Variants in PBRM1 observed in about 807,000 individuals in gnomAD.
The protein encoded by PBRM1 is polybromo 1.
In PBRM1, 27 loss-of-function variants were observed where a neutral mutation model predicts 194.5. The observed-to-expected ratio is 0.14, with a 90% CI of 0.10 to 0.19. The LOEUF is 0.19. PBRM1 is among the 10% of genes least tolerant of loss of function. PBRM1 has a pLI of 1.00. For missense variants in PBRM1, 1,466 were observed against 2,077.2 expected, an observed-to-expected ratio of 0.71 and a Z score of 5.72; for synonymous variants, 655 against 693.2, an observed-to-expected ratio of 0.94 and a Z score of 0.87.
Position 52,587,511 on chromosome 3 carries a change from C to T in PBRM1, c.2966-1G>A. 1 of 1,590,154 alleles carries T rather than the reference C, an allele frequency of 6.3e-7. No individual in the cohort carries two copies. The highest frequency in any genetic ancestry group is 8.6e-7 in the Non-Finnish European group (1 of 1,168,452). ...CAACAGCCATACAACCATTTTTCAC[C>T]TCAAAAATGGGGGGTGGGGGAAGGG... On this transcript the variant is annotated splice_acceptor_variant, in intron 18 of 29. Transcript: ENST00000296302. LOFTEE classifies it high-confidence loss of function.
At position 52,609,814 on chromosome 3, in the gene PBRM1, G is replaced by C. The variant is rs2094519998; in HGVS notation, c.2066C>G (p.Ser689Cys). ...ATAGTAGTCAGGCAACTCAGATCTA[G>C]AGGGAAGCCTCAGAAATATGGCACT... is the stretch of plus-strand genomic sequence containing the variant. Residue 689 changes from serine (S) to cysteine (C), a missense_variant, in exon 16 of 30, where the codon TCT becomes TGT. Transcript: ENST00000296302. This position sits in a 1 kb window ranked among gnomAD's most constrained non-coding sequence, Gnocchi z 4.1. The C allele has an allele frequency of 6.2e-7, 1 of 1,613,648 alleles. No individual in the cohort carries two copies. The highest frequency in any genetic ancestry group is 2.2e-5 in the East Asian group (1 of 44,872).
intron 25 of PBRM1, among the ~76,000 whole-genome samples, chr3:52,561,290 G>C (rs546240463): frequency 6.6e-6 from 1 of 152,292 alleles, no homozygotes; most frequent in African/African-American, 2.4e-5. Flanking sequence ...TACAGACACA[G>C]TATAGGCCAG....
At chr3:52,676,716 C>T (rs2097112931) in intron 2 of PBRM1, among the ~76,000 whole-genome samples, 4 of 152,146 alleles carry the variant, frequency 2.6e-5, no homozygotes, top group Admixed American at 2.6e-4. Flanking sequence ...GTTTGGAGGG[C>T]TCAGAAGAAG....
At position 52,642,049 on chromosome 3, in the gene PBRM1, C is replaced by CA. The variant is rs376663529; in HGVS notation, c.996-5dup. On this transcript the variant is annotated splice_polypyrimidine_tract_variant and splice_region_variant and intron_variant, in intron 9 of 29. Transcript: ENST00000296302. ...TCCTTGTACTGCTCTTTTATTACTA[C>CA]AAAAAAAAAAAAAGCAATTAGACAG... The CA allele has an allele frequency of 0.018, 20,807 of 1,162,250 alleles. 5 individuals are homozygous for CA. Among genetic ancestry groups the CA allele is most frequent in the Non-Finnish European group, 0.02 (16,040 of 814,992 alleles). The allele number at this position is 1,162,250 out of a possible 1,614,324, so 72.0% of individuals were successfully genotyped here.
At chr3:52,614,373 CAAAA>C (rs1165930996) in intron 15 of PBRM1, among the ~76,000 whole-genome samples, 3 of 40,920 alleles carry the variant, frequency 7.3e-5, no homozygotes, top group Admixed American at 4.4e-4. Context: ...GATGCTTCAT[CAAAA>C]AAAAAAAAAA....
In PBRM1 at chr3:52,624,896, C is replaced by A. The variant is rs760237706; in HGVS notation, c.1541+2377G>T. The A allele has an allele frequency of 1.3e-6, 2 of 1,540,190 alleles. No homozygotes were observed. The highest frequency in any genetic ancestry group is 2.4e-5 in the South Asian group (2 of 83,834). On this transcript the variant is annotated intron_variant, in intron 13 of 29. Coordinates refer to ENST00000296302, the Ensembl canonical transcript of PBRM1. ...TTTATGCATAAAAAAGGACTGCACA[C>A]CTGGATAGCCTCCTGAGACCCAACA...
intron 20 of PBRM1, among the ~76,000 whole-genome samples, chr3:52,581,491 ACT>A (rs2091168111): frequency 2.0e-5 from 3 of 148,382 alleles, no homozygotes; most frequent in South Asian, 4.3e-4. Context: ...ACCTGGGCAG[ACT>A]CTGTCTCAAA....
At chr3:52,671,064 A>G (rs1449994752) in intron 2 of PBRM1, among the ~76,000 whole-genome samples, 2 of 152,242 alleles carry the variant, frequency 1.3e-5, no homozygotes, top group African/African-American at 4.8e-5. Flanking sequence ...GTGATACCAC[A>G]AAGACCGCAG....
chr3:52,587,257 A>G (rs967469344), intron 19 of PBRM1, 96 bp downstream of exon 21: 16 of 931,192 alleles, frequency 1.7e-5, no homozygotes, highest in Non-Finnish European at 2.4e-5. Flanking sequence ...AGCTTAAAAC[A>G]GAGTTCCTAA....
At chr3:52,608,812 A>T (rs750137485) in intron 16 of PBRM1, among the ~76,000 whole-genome samples, 24 of 152,000 alleles carry the variant, frequency 1.6e-4, no homozygotes, top group Non-Finnish European at 3.4e-4. Context: ...TAGAACATTT[A>T]ATGTCTTCAG....
intron 18 of PBRM1, among the ~76,000 whole-genome samples, chr3:52,587,979 G>A (rs895891110): frequency 3.3e-5 from 5 of 151,746 alleles, no homozygotes; most frequent in African/African-American, 9.7e-5. Flanking sequence ...CACAGCAAGT[G>A]CAATCACACC....
intron 17 of PBRM1, among the ~76,000 whole-genome samples, chr3:52,600,047 T>G (rs931121002): frequency 3.3e-5 from 5 of 152,134 alleles, no homozygotes; most frequent in Non-Finnish European, 7.3e-5. Flanking sequence ...ATATATAATA[T>G]AAATATTTAT....
Position 52,629,050 on chromosome 3 carries a change from G to T in PBRM1, c.1302-15C>A, listed in dbSNP as rs1158147775. Reference sequence around the variant, plus strand: ...TCAGTTTTGTTCTGTGAAAGACAAAGAAATTGCTAGAATTTTCTGTCATGA... The same window carrying T: ...TCAGTTTTGTTCTGTGAAAGACAAATAAATTGCTAGAATTTTCTGTCATGA... On this transcript the variant is annotated splice_polypyrimidine_tract_variant and intron_variant, in intron 11 of 29. Coordinates refer to ENST00000296302, the Ensembl canonical transcript of PBRM1. The T allele has an allele frequency of 2.6e-6, 4 of 1,567,042 alleles. No individual in the cohort carries two copies. Among genetic ancestry groups the T allele is most frequent in the East Asian group, 4.5e-5 (2 of 44,416 alleles).
chr3:52,587,590 T>TAA, intron 18 of PBRM1, 80 bp from the exon 21 acceptor site: 2 of 971,896 alleles, frequency 2.1e-6, no homozygotes, highest in Non-Finnish European at 2.9e-6. Flanking sequence ...TTTTTTTTTT[T>TAA]AAAGAGACTG....
At position 52,666,662 on chromosome 3, in the gene PBRM1, G is replaced by A. The variant is rs143721668; in HGVS notation, c.384+1836C>T. 4.1e-3 allele frequency among the ~76,000 whole-genome samples: 617 copies of A among 152,240 alleles called. 3 individuals carry two copies. Among genetic ancestry groups the A allele is most frequent in the South Asian group, 0.023 (111 of 4,830 alleles). ...ATCCCAGCACTTGGGAGACCGAGGCGGGTCAATCGCTTGAGCCCAGGAGTT... is the reference window on the plus strand; with the variant it reads ...ATCCCAGCACTTGGGAGACCGAGGCAGGTCAATCGCTTGAGCCCAGGAGTT... On this transcript the variant is annotated intron_variant, in intron 3 of 29. Coordinates refer to ENST00000296302, the Ensembl canonical transcript of PBRM1.
At chr3:52,660,808 T>C (rs1577895771) in intron 4 of PBRM1, among the ~76,000 whole-genome samples, 3 of 151,966 alleles carry the variant, frequency 2.0e-5, no homozygotes, top group South Asian at 4.2e-4. Context: ...CCACAGCACC[T>C]GACTAGGAAC....
intron 24 of PBRM1, among the ~76,000 whole-genome samples, 172 bp downstream of exon 26, chr3:52,563,111 T>C (rs1321305476): frequency 6.6e-6 from 1 of 152,208 alleles, no homozygotes. Context: ...ATAATTTTTG[T>C]CAATCAAAAA....
At chr3:52,651,512 C>G (rs1021324965) in intron 6 of PBRM1, among the ~76,000 whole-genome samples, 1 of 152,286 alleles carries the variant, frequency 6.6e-6, no homozygotes, top group East Asian at 1.9e-4. Flanking sequence ...AATCTTTTGT[C>G]ACAAATGTAT....
intron 12 of PBRM1, 95 bp downstream of exon 13, chr3:52,628,799 G>C (rs1326572925): frequency 9.3e-7 from 1 of 1,074,146 alleles, no homozygotes; most frequent in Non-Finnish European, 1.4e-6. Flanking sequence ...TGCTGAGGGT[G>C]GGGGGGATCA....
Sources: gnomAD v4.1 joint callset for allele counts (sites outside exome capture counted in the v4.1 genomes callset) on GRCh38, gnomAD v4.1.1 for gene constraint, Gnocchi (gnomAD v3.1) non-coding constraint, MANE v1.5 for transcripts, NCBI Gene and HGNC (gene_info 2026-07-23, HGNC 2026-07-21) for gene names.